LOC128462377: variants seen among roughly 807,000 people sequenced by gnomAD.
At chr16:89,375,079 C>T in the LOC128462377 span, among the ~76,000 whole-genome samples, 209 of 152,068 alleles carry the variant, frequency 1.4e-3, 1 homozygote, top group African/African-American at 4.7e-3. Flanking sequence ...CAGAGGGAAA[C>T]GTAAACAAAC....
At chr16:89,364,006 G>A in the LOC128462377 span, among the ~76,000 whole-genome samples, 1 of 151,862 alleles carries the variant, frequency 6.6e-6, no homozygotes, top group African/African-American at 2.4e-5. Flanking sequence ...GGTGTGGTGA[G>A]CTATCATTGT....
the LOC128462377 span, among the ~76,000 whole-genome samples, chr16:89,399,379 C>T: frequency 6.6e-6 from 1 of 152,172 alleles, no homozygotes; most frequent in African/African-American, 2.4e-5. Context: ...ACCATAGACG[C>T]ATGCTGCTGA....
chr16:89,375,765 T>TC, the LOC128462377 span, among the ~76,000 whole-genome samples: 13 of 85,988 alleles, frequency 1.5e-4, no homozygotes, highest in African/African-American at 5.6e-4. Context: ...CGACTCCGTC[T>TC]CTTAAAAAAA....
the LOC128462377 span, among the ~76,000 whole-genome samples, chr16:89,336,292 C>T: frequency 3.9e-5 from 6 of 152,188 alleles, no homozygotes; most frequent in Non-Finnish European, 5.9e-5. Context: ...GGGGAGCAGC[C>T]ACCAAATGCA....
chr16:89,372,154 G>A, the LOC128462377 span, among the ~76,000 whole-genome samples: 1 of 152,226 alleles, frequency 6.6e-6, no homozygotes, highest in African/African-American at 2.4e-5. Context: ...GGCCTGGGAA[G>A]AAGGACCGGC....
At chr16:89,410,626 G>A in the LOC128462377 span, among the ~76,000 whole-genome samples, 6,093 of 152,292 alleles carry the variant, frequency 0.04, 202 homozygotes, top group East Asian at 0.18. Context: ...TCCTGCTGAC[G>A]TGCTGACACC....
At chr16:89,344,438 C>T in the LOC128462377 span, among the ~76,000 whole-genome samples, 1 of 152,224 alleles carries the variant, frequency 6.6e-6, no homozygotes, top group East Asian at 1.9e-4. Flanking sequence ...CGGGCCACTG[C>T]TGTCCACACA....
At chr16:89,360,607 A>C in the LOC128462377 span, 1 of 152,236 alleles carries the variant, frequency 6.6e-6, no homozygotes, top group Non-Finnish European at 1.5e-5. Context: ...GAATGACAGC[A>C]TTCTAGAAGC....
At chr16:89,373,964 C>T in the LOC128462377 span, among the ~76,000 whole-genome samples, 1 of 152,204 alleles carries the variant, frequency 6.6e-6, no homozygotes, top group Non-Finnish European at 1.5e-5. Flanking sequence ...GGGCCCTGGC[C>T]CACTCGACAT....
the LOC128462377 span, among the ~76,000 whole-genome samples, chr16:89,401,049 C>T: frequency 2.4e-4 from 36 of 152,260 alleles, no homozygotes; most frequent in African/African-American, 8.2e-4. Context: ...AACACGCTGG[C>T]CCTCAAGTTG....
chr16:89,324,471 G>C, the LOC128462377 span: 1 of 457,140 alleles, frequency 2.2e-6, no homozygotes, highest in Non-Finnish European at 4.4e-6. Context: ...AACTTGACTG[G>C]ACTAAAGGAT....
chr16:89,382,472 C>A, the LOC128462377 span, among the ~76,000 whole-genome samples: 1 of 150,114 alleles, frequency 6.7e-6, no homozygotes. Context: ...ATCACAGGTG[C>A]GTGCCACCAA....
chr16:89,410,789 G>A, the LOC128462377 span, among the ~76,000 whole-genome samples: 1 of 152,264 alleles, frequency 6.6e-6, no homozygotes, highest in Non-Finnish European at 1.5e-5. Flanking sequence ...TGCCCAGGCA[G>A]AGAGCCCTCT....
the LOC128462377 span, among the ~76,000 whole-genome samples, chr16:89,347,041 A>C: frequency 6.6e-6 from 1 of 152,188 alleles, no homozygotes; most frequent in Admixed American, 6.5e-5. Flanking sequence ...CAGGAAGAGA[A>C]GGCTCTGCTG....
At chr16:89,379,011 A>G in the LOC128462377 span, among the ~76,000 whole-genome samples, 1 of 152,346 alleles carries the variant, frequency 6.6e-6, no homozygotes, top group African/African-American at 2.4e-5. Context: ...CGCCTCCTGC[A>G]GTCGTAGACA....
the LOC128462377 span, among the ~76,000 whole-genome samples, chr16:89,397,514 T>C: frequency 3.9e-5 from 6 of 152,364 alleles, no homozygotes; most frequent in African/African-American, 9.6e-5. Flanking sequence ...TCCGCGCTCC[T>C]TTCTGTGCAG....
chr16:89,350,548 A>G, the LOC128462377 span, among the ~76,000 whole-genome samples: 1 of 152,210 alleles, frequency 6.6e-6, no homozygotes. Context: ...CAGACACAAG[A>G]GTCCACACTC....
At chr16:89,323,252 G>T in the LOC128462377 span, 13 of 1,252,622 alleles carry the variant, frequency 1.0e-5, no homozygotes, top group Admixed American at 3.0e-4. Flanking sequence ...AAAGGAAAAA[G>T]AGCTGCATAC....
At chr16:89,391,613 C>T in the LOC128462377 span, among the ~76,000 whole-genome samples, 1 of 152,188 alleles carries the variant, frequency 6.6e-6, no homozygotes, top group Admixed American at 6.5e-5. Context: ...CTTAGAAATA[C>T]ATGAAGTCAA....
Sources: allele counts gnomAD v4.1 joint callset (sites outside exome capture counted in the v4.1 genomes callset), GRCh38; gene constraint gnomAD v4.1.1; transcripts MANE v1.5.